KCNQ1: variants seen among roughly 807,000 people sequenced by gnomAD.
The protein encoded by KCNQ1 is potassium voltage-gated channel subfamily KQT member 1.
In KCNQ1, 49 loss-of-function variants were observed where a neutral mutation model predicts 72.4. That is an observed-to-expected ratio of 0.68 (90% confidence interval 0.54 to 0.86). The LOEUF is 0.86. KCNQ1 is among the 40% of genes least tolerant of loss of function. The pLI, the probability that KCNQ1 is intolerant of heterozygous loss-of-function variation, is 0.00. For missense variants in KCNQ1, 790 were observed against 945.1 expected, an observed-to-expected ratio of 0.84 and a Z score of 2.15; for synonymous variants, 450 against 412.6, an observed-to-expected ratio of 1.09 and a Z score of -1.10.
rs1358424909 is a variant in KCNQ1, at chr11:2,498,712, T to C, written c.387-29216T>C. Among the ~76,000 whole-genome samples the C allele has an allele frequency of 6.6e-6, 1 of 151,968 alleles. No homozygotes were observed. The highest frequency in any genetic ancestry group is 2.4e-5 in the African/African-American group (1 of 41,248). ...AGTAAATGATTCTGTCTTGCTGGGG[T>C]TCCAGGCACCACTGGGGTACAGAAA... On this transcript the variant is annotated intron_variant, in intron 1 of 15. Coordinates refer to ENST00000155840, the MANE Select transcript of KCNQ1 (RefSeq NM_000218.3). The surrounding 1 kb of genome is among the most constrained non-coding windows in gnomAD (Gnocchi z 4.8).
Position 2,447,928 on chromosome 11 carries a change from G to C in KCNQ1, c.386+2444G>C, listed in dbSNP as rs950997114. On this transcript the variant is annotated intron_variant, in intron 1 of 15. Transcript: ENST00000155840. This position sits in a 1 kb window ranked among gnomAD's most constrained non-coding sequence, Gnocchi z 7.6. ...CTCCTCGGGGAACCCCCCCTCCCCA[G>C]GAGAGCAGCTCTTCCTGTGTTCCTT... Among the ~76,000 whole-genome samples the C allele has an allele frequency of 2.6e-5, 4 of 152,206 alleles. No individual in the cohort carries two copies. Among genetic ancestry groups the C allele is most frequent in the African/African-American group, 4.8e-5 (2 of 41,462 alleles).
chr11:2,663,359 T>C lies in KCNQ1; in HGVS notation c.1514+1278T>C. On this transcript the variant is annotated intron_variant, in intron 11 of 15. Coordinates refer to ENST00000155840, the MANE Select transcript of KCNQ1 (RefSeq NM_000218.3). The surrounding 1 kb of genome is among the most constrained non-coding windows in gnomAD (Gnocchi z 5.2). ...TGAGCAGGCTGGTAGCCAGATGGGC[T>C]GCCCAGGTACAGGTCAGCACCAGAA... 5.0e-6 allele frequency: 2 copies of C among 398,806 alleles called. No homozygotes were observed. Among genetic ancestry groups the C allele is most frequent in the Non-Finnish European group, 8.8e-6 (2 of 226,198 alleles). The allele number at this position is 398,806 out of a possible 1,614,324, so 24.7% of individuals were successfully genotyped here. A position where few individuals can be genotyped will look rare whatever the true frequency, so the allele number is the denominator to read the frequency against.
rs1401741662 is a variant in KCNQ1 at position 2,827,837 on chromosome 11, A to G, written c.1795-19930A>G. ...GTGGTGGTACTGTTTTCCGGAATGAAGAGGAAGGGGCGGGCAGAAGGCAGC... is the reference window on the plus strand; with the variant it reads ...GTGGTGGTACTGTTTTCCGGAATGAGGAGGAAGGGGCGGGCAGAAGGCAGC... On this transcript the variant is annotated intron_variant, in intron 15 of 15. Coordinates refer to ENST00000155840, the MANE Select transcript of KCNQ1 (RefSeq NM_000218.3). The surrounding 1 kb of genome is among the most constrained non-coding windows in gnomAD (Gnocchi z 6.7). 6.6e-6 allele frequency among the ~76,000 whole-genome samples: 1 copy of G among 152,120 alleles called. No individual in the cohort carries two copies. The highest frequency in any genetic ancestry group is 1.5e-5 in the Non-Finnish European group (1 of 68,006).
rs1189935683 is a variant in KCNQ1 at position 2,475,383 on chromosome 11, T to C, written c.386+29899T>C. 6.6e-6 allele frequency among the ~76,000 whole-genome samples: 1 copy of C among 152,220 alleles called. No homozygotes were observed. The highest frequency in any genetic ancestry group is 1.5e-5 in the Non-Finnish European group (1 of 68,042). On this transcript the variant is annotated intron_variant, in intron 1 of 15. Transcript: ENST00000155840. The surrounding 1 kb of genome is among the most constrained non-coding windows in gnomAD (Gnocchi z 5.8). ...GACTACGTGCAGCTGTCTCTGCCTT[T>C]GGCTGTTGTGGCTAGAGGCTCCTTC...
intron 2 of KCNQ1, among the ~76,000 whole-genome samples, chr11:2,570,411 G>T (rs1848312151): frequency 7.1e-6 from 1 of 141,026 alleles, no homozygotes; most frequent in African/African-American, 2.5e-5. Flanking sequence ...GCCTCACCTG[G>T]GCTCCACTGC....
chr11:2,630,460 G>C (rs966384689), intron 10 of KCNQ1: 1 of 397,980 alleles, frequency 2.5e-6, no homozygotes, highest in Non-Finnish European at 4.4e-6. Flanking sequence ...TTTGTTTGGG[G>C]GGAATATTTT....
Position 2,612,710 on chromosome 11 carries a change from C to T in KCNQ1, c.1393+23856C>T, listed in dbSNP as rs149799939. The T allele has an allele frequency of 1.5e-5, 6 of 398,494 alleles. No individual in the cohort carries two copies. The highest frequency in any genetic ancestry group is 1.4e-4 in the East Asian group (4 of 28,062). The allele number at this position is 398,494 out of a possible 1,614,324, so 24.7% of individuals were successfully genotyped here. ...ATAGTTATAATACTTACTTTGAAAT[C>T]GCGCCCTAACATTTGGGGCCCTTCA... On this transcript the variant is annotated intron_variant, in intron 10 of 15. Transcript: ENST00000155840. The surrounding 1 kb of genome is among the most constrained non-coding windows in gnomAD (Gnocchi z 5.5).
At chr11:2,630,210 C>G in intron 10 of KCNQ1, 1 of 398,212 alleles carries the variant, frequency 2.5e-6, no homozygotes, top group Non-Finnish European at 4.4e-6. Context: ...ATTAAAGTAT[C>G]CCATTTCTTG....
At chr11:2,843,572 G>A (rs1009212697) in intron 15 of KCNQ1, among the ~76,000 whole-genome samples, 6 of 152,260 alleles carry the variant, frequency 3.9e-5, no homozygotes, top group Admixed American at 2.0e-4. Context: ...GGGTGTGCCC[G>A]GCCTCTCCCG....
chr11:2,743,967 C>G (rs1056252834), intron 11 of KCNQ1, among the ~76,000 whole-genome samples: 1 of 152,182 alleles, frequency 6.6e-6, no homozygotes, highest in Non-Finnish European at 1.5e-5. Flanking sequence ...TGCTCCTGCC[C>G]GTTCTGGCCT....
chr11:2,536,023 G>A lies in KCNQ1; in HGVS notation c.477+8005G>A, dbSNP rs1474402970. Among the ~76,000 whole-genome samples the A allele has an allele frequency of 6.6e-6, 1 of 152,150 alleles. No homozygotes were observed. Among genetic ancestry groups the A allele is most frequent in the African/African-American group, 2.4e-5 (1 of 41,446 alleles). On this transcript the variant is annotated intron_variant, in intron 2 of 15. Transcript: ENST00000155840. This position sits in a 1 kb window ranked among gnomAD's most constrained non-coding sequence, Gnocchi z 7.4. ...AGACCCGGTGGTTCTGTTCCCCCGG[G>A]ACAGCCTTGGTCCAGCCTCACTGGC...
At chr11:2,614,035 G>C (rs1229769484) in intron 10 of KCNQ1, 1 of 398,390 alleles carries the variant, frequency 2.5e-6, no homozygotes, top group Non-Finnish European at 4.4e-6. Context: ...TCCTTAGTGT[G>C]ACTGTGCTAT....
chr11:2,555,198 C>G (rs1848050914), intron 2 of KCNQ1, among the ~76,000 whole-genome samples: 1 of 152,254 alleles, frequency 6.6e-6, no homozygotes, highest in African/African-American at 2.4e-5. Flanking sequence ...CCCCTGGTCT[C>G]TTTGGTTTGC....
Position 2,601,047 on chromosome 11 carries a change from G to A in KCNQ1, c.1393+12193G>A, listed in dbSNP as rs1003298743. Among the ~76,000 whole-genome samples, 2 of 150,940 alleles carry A rather than the reference G, an allele frequency of 1.3e-5. No individual in the cohort carries two copies. Among genetic ancestry groups the A allele is most frequent in the Non-Finnish European group, 2.9e-5 (2 of 67,934 alleles). On this transcript the variant is annotated intron_variant, in intron 10 of 15. Transcript: ENST00000155840. This position sits in a 1 kb window ranked among gnomAD's most constrained non-coding sequence, Gnocchi z 5.2. The stretch of plus-strand genomic sequence containing the variant: ...CCTTGCAACCAATAAACAATCGGGG[G>A]AGATTCTTTAAGGCCATGCATATAC...
chr11:2,578,548 G>A (rs1217371705), intron 6 of KCNQ1, among the ~76,000 whole-genome samples: 2 of 152,262 alleles, frequency 1.3e-5, no homozygotes, highest in Non-Finnish European at 2.9e-5. Context: ...AAGCCCTGGA[G>A]AGGGGAGCAG....
Position 2,627,293 on chromosome 11 carries a change from A to G in KCNQ1, c.1394-34668A>G, listed in dbSNP as rs990977250. The G allele has an allele frequency of 7.5e-6, 3 of 398,392 alleles. No individual in the cohort carries two copies. Among genetic ancestry groups the G allele is most frequent in the Non-Finnish European group, 1.3e-5 (3 of 226,042 alleles). The allele number at this position is 398,392 out of a possible 1,614,324, so 24.7% of individuals were successfully genotyped here. A position where few individuals can be genotyped will look rare whatever the true frequency, so the allele number is the denominator to read the frequency against. On this transcript the variant is annotated intron_variant, in intron 10 of 15. Coordinates refer to ENST00000155840, the MANE Select transcript of KCNQ1 (RefSeq NM_000218.3). This position sits in a 1 kb window ranked among gnomAD's most constrained non-coding sequence, Gnocchi z 4.9. The stretch of plus-strand genomic sequence containing the variant: ...AAGCCAATTAACATATACCTTACAT[A>G]GTTGCCATGTGTGTGCGTGTGTGTG...
At position 2,787,457 on chromosome 11, in the gene KCNQ1, C is replaced by G. The variant is rs927039193; in HGVS notation, c.1794+9420C>G. 2.0e-5 allele frequency among the ~76,000 whole-genome samples: 3 copies of G among 152,198 alleles called. No individual in the cohort carries two copies. The highest frequency in any genetic ancestry group is 4.4e-5 in the Non-Finnish European group (3 of 68,044). On this transcript the variant is annotated intron_variant, in intron 15 of 15. Transcript: ENST00000155840. The surrounding 1 kb of genome is among the most constrained non-coding windows in gnomAD (Gnocchi z 6.3). ...CCTATTACCTCTGGGGTTCCACTTT[C>G]ACTGAGTTTTCAGCCTCTAACCTCC...
chr11:2,632,391 CACT>C, intron 10 of KCNQ1: 1 of 398,298 alleles, frequency 2.5e-6, no homozygotes, highest in Admixed American at 4.4e-5. Context: ...GCTAGAAAGC[CACT>C]ACTATGTTTA....
chr11:2,512,653 G>T (rs1419713356), intron 1 of KCNQ1, among the ~76,000 whole-genome samples: 1 of 152,190 alleles, frequency 6.6e-6, no homozygotes, highest in Admixed American at 6.5e-5. Flanking sequence ...CGTGCCTTGG[G>T]CCTGAGGCTG....
Sources: gnomAD v4.1 joint callset for allele counts (sites outside exome capture counted in the v4.1 genomes callset) on GRCh38, gnomAD v4.1.1 for gene constraint, Gnocchi (gnomAD v3.1) non-coding constraint, MANE v1.5 for transcripts, NCBI Gene and HGNC (gene_info 2026-07-23, HGNC 2026-07-21) for gene names.